The following ACACA variants were observed in gnomAD, a reference collection of about 807,000 sequenced individuals.
The protein encoded by ACACA is acetyl-CoA carboxylase 1.
A neutral mutation model predicts 296.1 loss-of-function variants in ACACA; 103 were observed. The observed-to-expected ratio is 0.35, with a 90% CI of 0.30 to 0.41. ACACA has a LOEUF of 0.41. Among genes scored for constraint, ACACA ranks in the 10% least tolerant of loss-of-function variants. The pLI, the probability that ACACA is intolerant of heterozygous loss-of-function variation, is 1.00. For synonymous variants in ACACA, 953 were observed against 1,038.6 expected (o/e 0.92, Z 1.58); for missense variants, 1,554 against 2,989.7 (o/e 0.52, Z 11.20).
intron 3 of ACACA, among the ~76,000 whole-genome samples, chr17:37,309,654 C>T (rs1247664073): frequency 6.6e-6 from 1 of 152,038 alleles, no homozygotes; most frequent in Admixed American, 6.6e-5. Context: ...TATTGGACTA[C>T]TATCTTTTCA....
Position 37,085,670 on chromosome 17 carries a change from G to A in ACACA, c.*1646C>T, listed in dbSNP as rs2072151103. 2.5e-6 allele frequency: 1 copy of A among 399,130 alleles called. No individual in the cohort carries two copies. The highest frequency in any genetic ancestry group is 4.4e-5 in the Admixed American group (1 of 22,722). The allele number at this position is 399,130 out of a possible 1,614,324, so 24.7% of individuals were successfully genotyped here. A position where few individuals can be genotyped will look rare whatever the true frequency, so the allele number is the denominator to read the frequency against. ...CGGGCTGAGGCTCTGACTCCTGGGG[G>A]CTGTCCGCTCCATACCCAGCCATAC... On this transcript the variant is annotated 3_prime_UTR_variant, in exon 56 of 56. Coordinates refer to ENST00000616317, the MANE Select transcript of ACACA (RefSeq NM_198834.3).
chr17:37,205,723 A>G, intron 33 of ACACA, 42 bp downstream of exon 33: 1 of 1,440,554 alleles, frequency 6.9e-7, no homozygotes, highest in Non-Finnish European at 9.8e-7. Flanking sequence ...CACAGCCAGT[A>G]GAAAGGGGAC....
At chr17:37,330,576 T>G in intron 2 of ACACA, 151 bp from the exon 3 acceptor site, 1 of 948,324 alleles carries the variant, frequency 1.1e-6, no homozygotes, top group Non-Finnish European at 1.6e-6. Flanking sequence ...TTTCAGGGCC[T>G]TTAATTTCTA....
At chr17:37,133,539 C>T (rs2075199606) in intron 45 of ACACA, among the ~76,000 whole-genome samples, 1 of 152,108 alleles carries the variant, frequency 6.6e-6, no homozygotes, top group South Asian at 2.1e-4. Flanking sequence ...GAATGGAGTC[C>T]ACATAGACAG....
intron 42 of ACACA, among the ~76,000 whole-genome samples, chr17:37,159,051 G>A (rs561014498): frequency 2.0e-5 from 3 of 151,720 alleles, no homozygotes; most frequent in Non-Finnish European, 2.9e-5. Context: ...AGTGGTGTGC[G>A]CCTGTAGTCC....
intron 1 of ACACA, among the ~76,000 whole-genome samples, chr17:37,356,117 G>A (rs919297372): frequency 6.6e-6 from 1 of 151,754 alleles, no homozygotes; most frequent in Non-Finnish European, 1.5e-5. Context: ...GCAGTGAGCC[G>A]AGATCGTGCC....
intron 49 of ACACA, among the ~76,000 whole-genome samples, chr17:37,121,781 ATGGCTCC>A (rs2074538565): frequency 6.6e-6 from 1 of 152,166 alleles, no homozygotes; most frequent in African/African-American, 2.4e-5. Context: ...GCTACTTAAA[ATGGCTCC>A]ATTGTGCTAC....
intron 35 of ACACA, among the ~76,000 whole-genome samples, chr17:37,195,710 A>AC (rs1360269264): frequency 2.6e-5 from 4 of 152,138 alleles, no homozygotes; most frequent in Non-Finnish European, 5.9e-5. Flanking sequence ...GCACTCAAAA[A>AC]CCACAGAATC....
intron 24 of ACACA, among the ~76,000 whole-genome samples, chr17:37,239,385 C>G (rs1340494786): frequency 6.6e-6 from 1 of 152,172 alleles, no homozygotes; most frequent in Non-Finnish European, 1.5e-5. Context: ...ACTGCACTGG[C>G]TAGGACATCC....
At chr17:37,208,408 T>C (rs1270780884) in intron 30 of ACACA, among the ~76,000 whole-genome samples, 1 of 152,222 alleles carries the variant, frequency 6.6e-6, no homozygotes, top group Non-Finnish European at 1.5e-5. Context: ...ATTTACTTTC[T>C]CCTTTAATGG....
At position 37,261,207 on chromosome 17, in the gene ACACA, C is replaced by A. The variant is rs1032553167; in HGVS notation, c.1330-1677G>T. Among the ~76,000 whole-genome samples, 6 of 152,216 alleles carry A rather than the reference C, an allele frequency of 3.9e-5. No homozygotes were observed. In the East Asian group the frequency reaches 1.2e-3, roughly 29 times the overall value. On this transcript the variant is annotated intron_variant, in intron 11 of 55. Transcript: ENST00000616317. ...AAAGCCAACTTCTTTTGTATCCCCCCAAACAGAAAATGAGATTATCACCCT... is the reference window on the plus strand; with the variant it reads ...AAAGCCAACTTCTTTTGTATCCCCCAAAACAGAAAATGAGATTATCACCCT...
rs534702809 is a variant in ACACA, at chr17:37,208,493, G to A, written c.3708-693C>T. Reference sequence around the variant, plus strand: ...GCTATTTTTCAACCCCAAATTGCACGTTTTTCTTTTCATAGTTAAGCACTT... The same window carrying A: ...GCTATTTTTCAACCCCAAATTGCACATTTTTCTTTTCATAGTTAAGCACTT... On this transcript the variant is annotated intron_variant, in intron 30 of 55. Transcript: ENST00000616317. Among the ~76,000 whole-genome samples, 9 of 152,016 alleles carry A rather than the reference G, an allele frequency of 5.9e-5. No homozygotes were observed. In the South Asian group the frequency reaches 1.0e-3, roughly 17 times the overall value.
chr17:37,166,491 T>C (rs2076673292), intron 41 of ACACA, among the ~76,000 whole-genome samples: 2 of 152,198 alleles, frequency 1.3e-5, no homozygotes, highest in African/African-American at 4.8e-5. Context: ...GCTTAGAACA[T>C]TGCCACTTAT....
intron 45 of ACACA, chr17:37,141,367 C>A: frequency 2.7e-6 from 1 of 368,018 alleles, no homozygotes; most frequent in South Asian, 2.4e-5. Context: ...TGGTCCCAGC[C>A]CTGGATGCCA....
rs185462880 is a variant in ACACA at position 37,381,947 on chromosome 17, T to C, written c.38+24315A>G. On this transcript the variant is annotated intron_variant, in intron 1 of 55. Coordinates refer to ENST00000616317, the MANE Select transcript of ACACA (RefSeq NM_198834.3). ...CGGCCATGTCTCTTCTATATTCTAC[T>C]AGCCCCCTATTGATATATATTTTGG... is the stretch of plus-strand genomic sequence containing the variant. Among the ~76,000 whole-genome samples, 231 of 152,306 alleles carry C rather than the reference T, an allele frequency of 1.5e-3. 1 individual carries two copies. Among genetic ancestry groups the C allele is most frequent in the African/African-American group, 5.5e-3 (228 of 41,572 alleles).
intron 3 of ACACA, among the ~76,000 whole-genome samples, chr17:37,301,568 G>A (rs955487546): frequency 1.3e-5 from 2 of 152,194 alleles, no homozygotes; most frequent in Non-Finnish European, 2.9e-5. Context: ...TACAAGCAGA[G>A]AAATCTTGGA....
intron 29 of ACACA, among the ~76,000 whole-genome samples, chr17:37,210,697 T>C (rs2078707249): frequency 7.0e-6 from 1 of 142,452 alleles, no homozygotes; most frequent in South Asian, 2.2e-4. Context: ...CACCAGCTGT[T>C]GATGGAAAGG....
intron 10 of ACACA, among the ~76,000 whole-genome samples, chr17:37,267,710 C>T (rs900767493): frequency 6.6e-6 from 1 of 151,934 alleles, no homozygotes; most frequent in Non-Finnish European, 1.5e-5. Flanking sequence ...TTCTCTTCAA[C>T]TGCATCTAAT....
chr17:37,373,443 A>C (rs139554592), intron 1 of ACACA, among the ~76,000 whole-genome samples: 2,327 of 151,366 alleles, frequency 0.015, 40 homozygotes, highest in African/African-American at 0.046. Context: ...GACAGGGTTT[A>C]ACCTTGTTAG....
Sources: allele counts gnomAD v4.1 joint callset (sites outside exome capture counted in the v4.1 genomes callset), GRCh38; gene constraint gnomAD v4.1.1; transcripts MANE v1.5; gene names NCBI Gene and HGNC (gene_info 2026-07-23, HGNC 2026-07-21).